The following CDK15 variants were observed in gnomAD, a reference collection of about 807,000 sequenced individuals.
CDK15 encodes cyclin dependent kinase 15.
In CDK15, 62 loss-of-function variants were observed where a neutral mutation model predicts 60.3. The observed-to-expected ratio is 1.03, with a 90% CI of 0.84 to 1.27. CDK15 has a LOEUF of 1.27. CDK15 is among the 50% of genes most tolerant of loss of function. The probability of loss-of-function intolerance (pLI) is 0.00; values close to 1 mark genes in which losing one functional copy is unlikely to be tolerated. For synonymous variants in CDK15, 194 were observed against 195.7 expected (o/e 0.99, Z 0.07); for missense variants, 541 against 527.8 (o/e 1.03, Z -0.25).
At chr2:201,884,344 C>G (rs1247308733) in intron 12 of CDK15, among the ~76,000 whole-genome samples, 3 of 152,192 alleles carry the variant, frequency 2.0e-5, no homozygotes, top group African/African-American at 4.8e-5. Context: ...AATTGTTTCA[C>G]AAGTAATTTT....
intron 3 of CDK15, chr2:201,808,802 A>T (rs1057488115): frequency 3.9e-5 from 6 of 152,124 alleles, no homozygotes; most frequent in African/African-American, 1.4e-4. Flanking sequence ...GAAAAATTTT[A>T]TATAACTACT....
chr2:201,837,456 AAGGAAGG>A (rs1697170497), intron 8 of CDK15, among the ~76,000 whole-genome samples: 1 of 3,260 alleles, frequency 3.1e-4, no homozygotes, highest in Non-Finnish European at 6.0e-4. Flanking sequence ...GAAAGGAAGG[AAGGAAGG>A]AAGGAAGGAA....
intron 12 of CDK15, among the ~76,000 whole-genome samples, chr2:201,881,162 G>T (rs1011072578): frequency 6.6e-6 from 1 of 152,142 alleles, no homozygotes; most frequent in Non-Finnish European, 1.5e-5. Flanking sequence ...AGCCTGGTCC[G>T]CCTTGCCAGA....
In CDK15 at chr2:201,858,469, C is replaced by T. The variant is rs568230271; in HGVS notation, c.1009+3532C>T. On this transcript the variant is annotated intron_variant, in intron 10 of 13. Coordinates refer to ENST00000652192, the MANE Select transcript of CDK15 (RefSeq NM_001366386.2). ...CCCTTCCTTTCTGTCTCCCCCACTC[C>T]CCGTTTTAAGCAAGCTGGCTGAGAA... is the stretch of plus-strand genomic sequence containing the variant. 5.9e-5 allele frequency among the ~76,000 whole-genome samples: 9 copies of T among 151,856 alleles called. No individual in the cohort carries two copies. In the South Asian group the frequency reaches 1.9e-3, roughly 32 times the overall value.
chr2:201,846,357 G>T (rs1017398999), intron 8 of CDK15, among the ~76,000 whole-genome samples: 1 of 152,024 alleles, frequency 6.6e-6, no homozygotes, highest in African/African-American at 2.4e-5. Context: ...GCCAGGCATG[G>T]TGGCAGGTGC....
intron 4 of CDK15, among the ~76,000 whole-genome samples, chr2:201,815,514 T>C (rs749271524): frequency 1.3e-5 from 2 of 152,238 alleles, no homozygotes; most frequent in Non-Finnish European, 2.9e-5. Context: ...CATAGTGCCT[T>C]GGAAATCTCT....
intron 12 of CDK15, among the ~76,000 whole-genome samples, chr2:201,883,650 C>G (rs892138399): frequency 1.3e-5 from 2 of 152,220 alleles, no homozygotes; most frequent in Non-Finnish European, 2.9e-5. Flanking sequence ...TGAAGAAACA[C>G]TTGTTGAAGG....
Position 201,872,346 on chromosome 2 carries a change from GGGATCTTT to G in CDK15, c.1058+21_1058+28del. On this transcript the variant is annotated intron_variant, in intron 11 of 13. Transcript: ENST00000652192. ...GAACAGGTGAGTACTACCTCAGGAA[GGGATCTTT>G]AAGGGATCTTTAAGCAGGATTGGAG... The G allele has an allele frequency of 7.3e-7, 1 of 1,362,430 alleles. No homozygotes were observed. The highest frequency in any genetic ancestry group is 1.0e-6 in the Non-Finnish European group (1 of 980,874). 84.4% of individuals were successfully genotyped at this position (1,362,430 alleles called of 1,614,324 possible). A position where few individuals can be genotyped will look rare whatever the true frequency, so the allele number is the denominator to read the frequency against.
At chr2:201,874,238 T>G (rs1029904635) in intron 11 of CDK15, among the ~76,000 whole-genome samples, 1 of 152,160 alleles carries the variant, frequency 6.6e-6, no homozygotes, top group African/African-American at 2.4e-5. Context: ...AGTAGCCACA[T>G]TGGAGTAGTG....
At chr2:201,831,229 G>C (rs1329769167) in intron 6 of CDK15, among the ~76,000 whole-genome samples, 1 of 152,194 alleles carries the variant, frequency 6.6e-6, no homozygotes, top group Non-Finnish European at 1.5e-5. Flanking sequence ...GATTCCAGGG[G>C]GGATGGAAGG....
chr2:201,836,058 TTATATA>T (rs1553523959), intron 8 of CDK15, among the ~76,000 whole-genome samples: 1 of 96,028 alleles, frequency 1.0e-5, no homozygotes, highest in Admixed American at 1.4e-4. Context: ...TATATATATA[TTATATA>T]TATTTATATT....
intron 6 of CDK15, among the ~76,000 whole-genome samples, chr2:201,829,052 C>G (rs1258484712): frequency 6.6e-6 from 1 of 152,128 alleles, no homozygotes. Context: ...ATATATTTCA[C>G]AATATCACAG....
chr2:201,884,771 G>A (rs958493744), intron 12 of CDK15, among the ~76,000 whole-genome samples: 1 of 152,182 alleles, frequency 6.6e-6, no homozygotes, highest in Non-Finnish European at 1.5e-5. Flanking sequence ...TTTCTTGCAT[G>A]GTGGGAGAAT....
intron 9 of CDK15, among the ~76,000 whole-genome samples, chr2:201,853,670 C>T (rs1458641624): frequency 1.3e-5 from 2 of 151,740 alleles, no homozygotes; most frequent in African/African-American, 4.8e-5. Flanking sequence ...TAGTATTTCA[C>T]AAGAACAATG....
intron 3 of CDK15, chr2:201,808,665 T>C (rs1267313566): frequency 1.3e-5 from 2 of 152,240 alleles, no homozygotes; most frequent in Non-Finnish European, 2.9e-5. Flanking sequence ...TGGTTAAATA[T>C]TAATTTTAAA....
chr2:201,854,118 G>A (rs1698033705), intron 9 of CDK15, among the ~76,000 whole-genome samples: 1 of 151,988 alleles, frequency 6.6e-6, no homozygotes, highest in Non-Finnish European at 1.5e-5. Context: ...AGCTTGCAGT[G>A]AGCCGAGATC....
chr2:201,822,470 C>T (rs764595427), intron 4 of CDK15, among the ~76,000 whole-genome samples: 39 of 152,342 alleles, frequency 2.6e-4, no homozygotes, highest in Non-Finnish European at 5.0e-4. Context: ...TCTCTCCAGG[C>T]CTCTCCTCCT....
chr2:201,891,880 T>C (rs533575754), intron 13 of CDK15, among the ~76,000 whole-genome samples: 85 of 152,274 alleles, frequency 5.6e-4, no homozygotes, highest in Non-Finnish European at 1.0e-3. Flanking sequence ...TGGCCACCCA[T>C]TTGACAACCA....
chr2:201,807,720 C>G (rs913071578), intron 2 of CDK15, 77 bp downstream of exon 2: 1 of 1,587,422 alleles, frequency 6.3e-7, no homozygotes, highest in African/African-American at 1.3e-5. Flanking sequence ...GCTTCCAGGG[C>G]AATTACTGAG....
Sources: gnomAD v4.1 joint callset for allele counts (sites outside exome capture counted in the v4.1 genomes callset) on GRCh38, gnomAD v4.1.1 for gene constraint, MANE v1.5 for transcripts, NCBI Gene and HGNC (gene_info 2026-07-23, HGNC 2026-07-21) for gene names.